Variants in COL5A2 observed in about 807,000 individuals in gnomAD.
COL5A2 encodes the protein collagen type V alpha 2 chain.
Under a neutral mutation model 208.2 loss-of-function variants are expected in COL5A2, and 23 were observed. That is an observed-to-expected ratio of 0.11 (90% confidence interval 0.08 to 0.16). COL5A2 has a LOEUF of 0.16. Ranked by LOEUF, COL5A2 falls within the 10% of genes least tolerant of loss-of-function variation. The pLI, the probability that COL5A2 is intolerant of heterozygous loss-of-function variation, is 1.00. For missense variants in COL5A2, 1,590 were observed against 1,956.4 expected (o/e 0.81, Z 3.53); for synonymous variants, 625 against 628.5 (o/e 0.99, Z 0.08).
the COL5A2 span, among the ~76,000 whole-genome samples, chr2:189,386,080 C>T: frequency 1.3e-5 from 2 of 152,088 alleles, no homozygotes; most frequent in African/African-American, 4.8e-5. Flanking sequence ...TATTCACTAC[C>T]ATAAGAACAG....
chr2:189,074,013 G>A (rs1297990017), intron 17 of COL5A2, among the ~76,000 whole-genome samples: 3 of 152,056 alleles, frequency 2.0e-5, no homozygotes, highest in Non-Finnish European at 4.4e-5. Flanking sequence ...TATTCACAAG[G>A]GAGAACTATT....
the COL5A2 span, among the ~76,000 whole-genome samples, chr2:189,306,307 A>T: frequency 6.6e-6 from 1 of 152,130 alleles, no homozygotes; most frequent in Non-Finnish European, 1.5e-5. Flanking sequence ...AGCACTCCCC[A>T]TGGAGTTGAT....
chr2:189,427,247 G>C, the COL5A2 span, among the ~76,000 whole-genome samples: 6 of 152,224 alleles, frequency 3.9e-5, no homozygotes, highest in Non-Finnish European at 7.3e-5. Flanking sequence ...TACACCTCAG[G>C]CTATTGCTTC....
chr2:189,239,102 G>A, the COL5A2 span, among the ~76,000 whole-genome samples: 1 of 152,084 alleles, frequency 6.6e-6, no homozygotes, highest in Non-Finnish European at 1.5e-5. Context: ...CAACCAAGGT[G>A]TTTACAAAAG....
intron 2 of COL5A2, among the ~76,000 whole-genome samples, chr2:189,104,664 C>T (rs980078209): frequency 3.3e-5 from 5 of 151,736 alleles, no homozygotes; most frequent in African/African-American, 9.7e-5. Flanking sequence ...TAAAAGTATA[C>T]AATTATACAC....
Position 189,214,323 on chromosome 2 carries a change from A to G in COL5A2, c.-42+10825T>C, listed in dbSNP as rs551970550. Among the ~76,000 whole-genome samples, 316 of 152,146 alleles carry G rather than the reference A, an allele frequency of 2.1e-3. 1 individual carries two copies. The highest frequency in any genetic ancestry group is 3.1e-3 in the Non-Finnish European group (209 of 67,972). ...CTTGATTAAATAAATTATAAATCCT[A>G]TATAGATAATAAATTAATATAATGA... is the stretch of plus-strand genomic sequence containing the variant. On this transcript the variant is annotated intron_variant, in intron 1 of 10. Coordinates refer to the COL5A2 transcript ENST00000649966.
upstream of COL5A2, among the ~76,000 whole-genome samples, chr2:189,226,882 A>G (rs1324353860): frequency 1.3e-5 from 2 of 152,162 alleles, no homozygotes; most frequent in Admixed American, 6.6e-5. Flanking sequence ...ACAAGAATAT[A>G]AAAGATTTGA....
chr2:189,348,464 G>A, the COL5A2 span, among the ~76,000 whole-genome samples: 8 of 152,152 alleles, frequency 5.3e-5, no homozygotes, highest in South Asian at 2.1e-4. Flanking sequence ...GCTAGTACAC[G>A]TTCTAGTTAT....
At chr2:189,260,879 A>T in the COL5A2 span, among the ~76,000 whole-genome samples, 1 of 152,336 alleles carries the variant, frequency 6.6e-6, no homozygotes, top group Non-Finnish European at 1.5e-5. Context: ...TTCTCCTTCC[A>T]TGAATTGTTC....
chr2:189,352,843 T>A, the COL5A2 span, among the ~76,000 whole-genome samples: 1 of 152,226 alleles, frequency 6.6e-6, no homozygotes, highest in South Asian at 2.1e-4. Flanking sequence ...TTTTGGTGTT[T>A]TAGTCATGAA....
chr2:189,375,608 T>C, the COL5A2 span, among the ~76,000 whole-genome samples: 1 of 152,204 alleles, frequency 6.6e-6, no homozygotes, highest in Non-Finnish European at 1.5e-5. Context: ...AGAAGAGTTT[T>C]CCAGGTACAG....
the COL5A2 span, among the ~76,000 whole-genome samples, chr2:189,371,142 C>A: frequency 1.3e-5 from 2 of 152,138 alleles, no homozygotes; most frequent in African/African-American, 4.8e-5. Context: ...TGCCTGCTCC[C>A]CCTTTGCCTT....
At position 189,222,749 on chromosome 2, in the gene COL5A2, T is replaced by C. The variant is rs537805237; in HGVS notation, c.-42+2399A>G. ...CTGCTTTCCTCCTCAGAAGGGGCAG[T>C]TGTGTTTGTAGTTTAGGAAAGGAAA... On this transcript the variant is annotated intron_variant, in intron 1 of 10. Transcript: ENST00000649966. Among the ~76,000 whole-genome samples the C allele has an allele frequency of 9.2e-5, 14 of 152,304 alleles. No individual in the cohort carries two copies. The South Asian group carries it at 2.9e-3, about 32-fold the overall frequency.
chr2:189,399,054 T>G, the COL5A2 span, among the ~76,000 whole-genome samples: 3 of 152,190 alleles, frequency 2.0e-5, no homozygotes, highest in Non-Finnish European at 1.5e-5. Context: ...TAGTTAGCAT[T>G]GGTTAATACA....
chr2:189,052,668 A>G (rs1348667091), intron 40 of COL5A2, 81 bp downstream of exon 40: 2 of 1,358,958 alleles, frequency 1.5e-6, no homozygotes, highest in African/African-American at 1.4e-5. Flanking sequence ...TCTCAGATGA[A>G]AATTATCTTT....
chr2:189,064,347 G>A (rs2105593567), intron 25 of COL5A2, among the ~76,000 whole-genome samples: 1 of 152,156 alleles, frequency 6.6e-6, no homozygotes, highest in South Asian at 2.1e-4. Context: ...ACTGCTTTGA[G>A]AGAGACTAGA....
At chr2:189,166,393 C>G (rs1688465104) in intron 1 of COL5A2, among the ~76,000 whole-genome samples, 1 of 151,900 alleles carries the variant, frequency 6.6e-6, no homozygotes, top group Non-Finnish European at 1.5e-5. Flanking sequence ...ACTACCTATT[C>G]TGAAATTATT....
chr2:189,100,790 T>C (rs1018416925), intron 3 of COL5A2, among the ~76,000 whole-genome samples: 1 of 151,874 alleles, frequency 6.6e-6, no homozygotes, highest in Non-Finnish European at 1.5e-5. Flanking sequence ...TAAGAAACTA[T>C]CATGTAAGTA....
chr2:189,388,202 G>A, the COL5A2 span, among the ~76,000 whole-genome samples: 13 of 152,262 alleles, frequency 8.5e-5, no homozygotes, highest in South Asian at 1.5e-3. Flanking sequence ...AGGACGATAA[G>A]ATAAAGTAAT....
Sources: gnomAD v4.1 joint callset for allele counts (sites outside exome capture counted in the v4.1 genomes callset) on GRCh38, gnomAD v4.1.1 for gene constraint, MANE v1.5 for transcripts, NCBI Gene and HGNC (gene_info 2026-07-23, HGNC 2026-07-21) for gene names.